Variants in WAPL observed in about 807,000 individuals in gnomAD.
The protein encoded by WAPL is wings apart-like protein homolog.
WAPL carries 5 observed loss-of-function variants against 121.0 expected under a neutral mutation model. That is an observed-to-expected ratio of 0.04 (90% CI 0.02 to 0.09). The LOEUF (loss-of-function observed/expected upper bound fraction) is 0.09, where lower values mean the gene tolerates loss of function less well. WAPL is among the 10% of genes least tolerant of loss of function. WAPL has a pLI of 1.00. For missense variants in WAPL, 999 were observed against 1,410.8 expected, an observed-to-expected ratio of 0.71 and a Z score of 4.68; for synonymous variants, 480 against 481.5, an observed-to-expected ratio of 1.00 and a Z score of 0.04.
In WAPL at chr10:86,497,264, G is replaced by A. The variant is rs758157502; in HGVS notation, c.1581C>T (p.Pro527=). 1.2e-6 allele frequency: 2 copies of A among 1,612,880 alleles called. No individual in the cohort carries two copies. The highest frequency in any genetic ancestry group is 1.7e-6 in the Non-Finnish European group (2 of 1,179,692). The change falls in exon 4 of 19, where the codon CCC becomes CCT. Residue 527 remains proline (P), a synonymous_variant. Transcript: ENST00000298767. The stretch of plus-strand genomic sequence containing the variant: ...TTGATTTATCTCCTTGTTTATTTAT[G>A]GGCTTCTTCACACTTTCAGGCACAC... The part of the protein sequence containing the change: ...LPGVPESVKK[P]INKQGDKSKE...
chr10:86,492,998 T>C (rs1441314805), intron 4 of WAPL, among the ~76,000 whole-genome samples: 2 of 151,568 alleles, frequency 1.3e-5, no homozygotes, highest in East Asian at 1.9e-4. Context: ...GAGGCGGAGC[T>C]TGCAGTGAGC....
intron 7 of WAPL, among the ~76,000 whole-genome samples, chr10:86,471,380 GCTGC>G (rs1384164098): frequency 6.6e-6 from 1 of 152,006 alleles, no homozygotes. Flanking sequence ...TAAAATCTGA[GCTGC>G]CTTTCATTAA....
At chr10:86,473,753 T>C in intron 5 of WAPL, 125 bp downstream of exon 5, 3 of 716,150 alleles carry the variant, frequency 4.2e-6, no homozygotes, top group Non-Finnish European at 6.6e-6. Context: ...TAAGTTTCAG[T>C]AAAGAAAGCC....
At chr10:86,478,949 T>C (rs1305969138) in intron 4 of WAPL, among the ~76,000 whole-genome samples, 2 of 151,684 alleles carry the variant, frequency 1.3e-5, no homozygotes, top group Admixed American at 1.3e-4. Flanking sequence ...ACAAAAAAAT[T>C]AGCCGGGTGT....
chr10:86,501,963 A>G (rs901187964), intron 2 of WAPL, among the ~76,000 whole-genome samples: 1 of 152,218 alleles, frequency 6.6e-6, no homozygotes, highest in Admixed American at 6.5e-5. Context: ...AAGTGCTACA[A>G]TCACAGGCAT....
chr10:86,465,607 T>C (rs1247239503), intron 9 of WAPL, among the ~76,000 whole-genome samples: 1 of 152,214 alleles, frequency 6.6e-6, no homozygotes, highest in African/African-American at 2.4e-5. Flanking sequence ...CCTGCCCTTA[T>C]GTCAAACAAC....
At chr10:86,443,451 T>C (rs7094269) in intron 16 of WAPL, 88 bp from the exon 17 acceptor site, 1,045,106 of 1,091,606 alleles carry the variant, frequency 0.96, 501,031 homozygotes, top group East Asian at 1. Flanking sequence ...ATCTTTACTT[T>C]AAAACTGCTA....
intron 8 of WAPL, 102 bp from the exon 9 acceptor site, chr10:86,467,608 C>T (rs1841427842): frequency 2.3e-6 from 2 of 853,950 alleles, no homozygotes; most frequent in South Asian, 2.0e-5. Context: ...CAAGTTAATG[C>T]TTAAAACTTA....
At chr10:86,511,048 G>A (rs1298477352) in intron 2 of WAPL, among the ~76,000 whole-genome samples, 1 of 150,864 alleles carries the variant, frequency 6.6e-6, no homozygotes, top group Admixed American at 6.6e-5. Context: ...GGCTGGTTTT[G>A]AACTCCTGGG....
At chr10:86,474,080 G>T in intron 4 of WAPL, 107 bp from the exon 5 acceptor site, 1 of 841,338 alleles carries the variant, frequency 1.2e-6, no homozygotes, top group Non-Finnish European at 1.9e-6. Flanking sequence ...GAAACAGCAG[G>T]ATGGATACTA....
chr10:86,455,421 C>G (rs540067168), intron 12 of WAPL, among the ~76,000 whole-genome samples: 1 of 152,048 alleles, frequency 6.6e-6, no homozygotes. Flanking sequence ...TGTGTCCACT[C>G]AGGGTTAAAT....
chr10:86,480,943 G>C (rs181106520), intron 4 of WAPL, among the ~76,000 whole-genome samples: 10 of 152,212 alleles, frequency 6.6e-5, no homozygotes, highest in Admixed American at 5.9e-4. Context: ...AAATTGTCCA[G>C]AGATAAACAA....
rs548633653 is a variant in WAPL, at chr10:86,469,514, A to G, written c.2142+1478T>C. On this transcript the variant is annotated intron_variant, in intron 8 of 18. Transcript: ENST00000298767. ...GGCAATCTGCCCACCTCAGCCTCCC[A>G]AAGTGCTAGGATTATAGGCATGAGC... Among the ~76,000 whole-genome samples the G allele has an allele frequency of 1.8e-3, 273 of 152,094 alleles. 2 individuals are homozygous for G. The highest frequency in any genetic ancestry group is 6.4e-3 in the African/African-American group (266 of 41,496).
chr10:86,455,879 T>C (rs1322136730), intron 12 of WAPL, among the ~76,000 whole-genome samples: 2 of 152,094 alleles, frequency 1.3e-5, no homozygotes, highest in African/African-American at 4.8e-5. Flanking sequence ...ATTACTGCAT[T>C]AGGTTCCCAG....
At chr10:86,488,818 T>A (rs1841980004) in intron 4 of WAPL, among the ~76,000 whole-genome samples, 1 of 152,192 alleles carries the variant, frequency 6.6e-6, no homozygotes, top group Non-Finnish European at 1.5e-5. Flanking sequence ...TACTAATAAC[T>A]GTAGAACAAA....
At chr10:86,516,938 C>T (rs936492807) in intron 2 of WAPL, among the ~76,000 whole-genome samples, 2 of 152,028 alleles carry the variant, frequency 1.3e-5, no homozygotes, top group Admixed American at 1.3e-4. Flanking sequence ...CAAAAATTAG[C>T]CAGGCGTGGT....
Position 86,452,043 on chromosome 10 carries a change from G to A in WAPL, c.3038C>T (p.Ser1013Phe), listed in dbSNP as rs1208442859. The A allele has an allele frequency of 1.2e-6, 2 of 1,614,012 alleles. No individual in the cohort carries two copies. The highest frequency in any genetic ancestry group is 2.2e-5 in the South Asian group (2 of 91,076). Reference protein sequence around the residue: ...VNMETSCSFDSSICSGEGDDS... With the variant: ...VNMETSCSFDFSICSGEGDDS... The stretch of plus-strand genomic sequence containing the variant: ...ATCCCCTTCTCCACTACAGATGGAA[G>A]AATCAAAAGAGCACGATGTTTCCAT... The change falls in exon 15 of 19, where the codon TCT becomes TTT. Residue 1013 changes from serine (S) to phenylalanine (F), a missense_variant. Transcript: ENST00000298767.
chr10:86,456,261 C>T (rs1841143830), intron 12 of WAPL, among the ~76,000 whole-genome samples: 1 of 152,074 alleles, frequency 6.6e-6, no homozygotes, highest in Non-Finnish European at 1.5e-5. Context: ...TAAATGGTGT[C>T]CAAAGTTGCA....
At chr10:86,504,314 T>C (rs1242204234) in intron 2 of WAPL, among the ~76,000 whole-genome samples, 1 of 56,792 alleles carries the variant, frequency 1.8e-5, no homozygotes, top group Non-Finnish European at 3.8e-5. Flanking sequence ...AGCTGAACTA[T>C]ATTTATATAA....
Sources: allele counts gnomAD v4.1 joint callset (sites outside exome capture counted in the v4.1 genomes callset), GRCh38; gene constraint gnomAD v4.1.1; transcripts MANE v1.5; gene names NCBI Gene and HGNC (gene_info 2026-07-23, HGNC 2026-07-21).